The following KIF16B variants were observed in gnomAD, a reference collection of about 807,000 sequenced individuals.
KIF16B encodes the protein kinesin family member 16B, also known as kinesin-like protein KIF16B.
In KIF16B, 98 loss-of-function variants were observed where a neutral mutation model predicts 156.3. The observed-to-expected ratio is 0.63, with a 90% CI of 0.53 to 0.74. The LOEUF (loss-of-function observed/expected upper bound fraction) is 0.74. Among genes scored for constraint, KIF16B ranks in the 30% least tolerant of loss-of-function variants. KIF16B has a pLI of 0.00. For synonymous variants in KIF16B, 564 were observed against 583.7 expected (o/e 0.97, Z 0.49); for missense variants, 1,421 against 1,606.5 (o/e 0.88, Z 1.97).
chr20:16,397,883 C>T (rs1393884708), intron 17 of KIF16B, among the ~76,000 whole-genome samples: 1 of 152,208 alleles, frequency 6.6e-6, no homozygotes, highest in Non-Finnish European at 1.5e-5. Context: ...CAGACGCATC[C>T]TTTGTGCTGA....
At chr20:16,390,494 C>T (rs533350297) in intron 17 of KIF16B, among the ~76,000 whole-genome samples, 11 of 152,172 alleles carry the variant, frequency 7.2e-5, no homozygotes, top group African/African-American at 2.2e-4. Flanking sequence ...ACCCCACCTC[C>T]CCTGCCCCTC....
rs112971231 is a variant in KIF16B, at chr20:16,452,619, AG to A, written c.1303-22638del. ...AGGACGCAGAGGTGGGTGGATCACG[AG>A]GTCAGGAGATCGAGACCATCCTGGC... On this transcript the variant is annotated intron_variant, in intron 12 of 25. Transcript: ENST00000354981. Among the ~76,000 whole-genome samples, 185 of 152,220 alleles carry A rather than the reference AG, an allele frequency of 1.2e-3. 2 individuals carry two copies. The highest frequency in any genetic ancestry group is 4.1e-3 in the African/African-American group (172 of 41,536).
rs1452797722 is a variant in KIF16B, at chr20:16,503,628, C to T, written c.1176+744G>A. Among the ~76,000 whole-genome samples the T allele has an allele frequency of 2.6e-5, 4 of 152,202 alleles. No individual in the cohort carries two copies. In the East Asian group the frequency reaches 7.7e-4, roughly 29 times the overall value. ...TTCATGAGTTAAGAAAGGAGGGTAA[C>T]TCCAGTCTAACTTCAACATTTAAAA... On this transcript the variant is annotated intron_variant, in intron 10 of 25. Transcript: ENST00000354981.
At chr20:16,393,606 A>T (rs1238907413) in intron 17 of KIF16B, among the ~76,000 whole-genome samples, 9 of 152,166 alleles carry the variant, frequency 5.9e-5, no homozygotes, top group Non-Finnish European at 1.0e-4. Flanking sequence ...TCCCTTAAAC[A>T]CCTACTTAGA....
At chr20:16,389,468 C>T (rs113162968) in intron 17 of KIF16B, among the ~76,000 whole-genome samples, 8,398 of 152,190 alleles carry the variant, frequency 0.055, 777 homozygotes, top group African/African-American at 0.19. Context: ...ACTCAATGGA[C>T]GGTGTTTCAC....
chr20:16,486,259 C>G lies in KIF16B; in HGVS notation c.1302+8032G>C, dbSNP rs80193829. 1.6e-4 allele frequency among the ~76,000 whole-genome samples: 25 copies of G among 151,826 alleles called. No homozygotes were observed. The East Asian group carries it at 4.9e-3, about 29-fold the overall frequency. On this transcript the variant is annotated intron_variant, in intron 12 of 25. Coordinates refer to ENST00000354981, the MANE Select transcript of KIF16B (RefSeq NM_024704.5). ...CTAGGTCTACCACATAAGATGCTCT[C>G]AATAAACATGTGCTTAATGAAGGAG...
At chr20:16,325,448 G>T (rs1277557261) in intron 24 of KIF16B, among the ~76,000 whole-genome samples, 2 of 151,908 alleles carry the variant, frequency 1.3e-5, no homozygotes, top group East Asian at 3.9e-4. Context: ...AATGAATTCA[G>T]TAAAGTTTCA....
At chr20:16,484,970 A>G (rs1169306424) in intron 12 of KIF16B, among the ~76,000 whole-genome samples, 9 of 152,172 alleles carry the variant, frequency 5.9e-5, no homozygotes, top group African/African-American at 1.7e-4. Flanking sequence ...ATCTGCCTGT[A>G]CTCATTCCTT....
chr20:16,487,944 TA>T (rs1269680303), intron 12 of KIF16B, among the ~76,000 whole-genome samples: 1 of 152,158 alleles, frequency 6.6e-6, no homozygotes, highest in African/African-American at 2.4e-5. Context: ...TCCACATAAT[TA>T]AAGTCTAAAT....
At chr20:16,513,129 G>T (rs1259969209) in intron 4 of KIF16B, among the ~76,000 whole-genome samples, 2 of 152,142 alleles carry the variant, frequency 1.3e-5, no homozygotes, top group African/African-American at 4.8e-5. Context: ...TACAGGCTGG[G>T]ACTCTGATAA....
chr20:16,322,066 CAAAT>C (rs1371037033), intron 24 of KIF16B, among the ~76,000 whole-genome samples: 1 of 151,870 alleles, frequency 6.6e-6, no homozygotes, highest in African/African-American at 2.4e-5. Flanking sequence ...AGGAAACAAA[CAAAT>C]GAGGATTACA....
At chr20:16,336,945 C>A (rs2064049247) in intron 23 of KIF16B, among the ~76,000 whole-genome samples, 1 of 152,218 alleles carries the variant, frequency 6.6e-6, no homozygotes, top group African/African-American at 2.4e-5. Context: ...CAACTGTCCA[C>A]CCCACATCTG....
chr20:16,359,050 T>C (rs2123176838), intron 22 of KIF16B, among the ~76,000 whole-genome samples: 1 of 152,364 alleles, frequency 6.6e-6, no homozygotes, highest in South Asian at 2.1e-4. Context: ...CTACTCTAGA[T>C]GGATTATATT....
rs551148926 is a variant in KIF16B, at chr20:16,404,818, G to A, written c.1779C>T (p.Asn593=). Residue 593 remains asparagine, a synonymous_variant, in exon 17 of 26, where the codon AAC becomes AAT. Coordinates refer to ENST00000354981, the MANE Select transcript of KIF16B (RefSeq NM_024704.5). ...RENLSAVMLY[N]PGLEFERQQR... ...AGATGCTGCTGTTCACTCACCCGGG[G>A]TTATACAACATGACTGCAGACAGGT... 2.4e-5 allele frequency: 39 copies of A among 1,610,930 alleles called. No individual in the cohort carries two copies. The highest frequency in any genetic ancestry group is 3.1e-5 in the Non-Finnish European group (37 of 1,177,346).
In KIF16B at chr20:16,440,533, GCACACACACACACACACACA is replaced by G. The variant is rs71192333; in HGVS notation, c.1303-10571_1303-10552del. 7.0e-4 allele frequency among the ~76,000 whole-genome samples: 97 copies of G among 138,350 alleles called. 3 individuals carry two copies. The highest frequency in any genetic ancestry group is 2.1e-3 in the African/African-American group (77 of 37,456). 90.8% of individuals were successfully genotyped at this position (138,350 alleles called of 152,430 possible). On this transcript the variant is annotated intron_variant, in intron 12 of 25. Transcript: ENST00000354981. ...CTATGGTTAAAACACACAAGCGCGC[GCACACACACACACACACACA>G]CACACACACACACACACACACACAC...
intron 25 of KIF16B, among the ~76,000 whole-genome samples, chr20:16,282,303 G>T (rs142678698): frequency 0.011 from 1,724 of 151,658 alleles, 17 homozygotes; most frequent in Middle Eastern, 0.048. Context: ...AAAGTGCTGG[G>T]ATTACAGGCA....
chr20:16,336,608 C>T (rs1025810949), intron 23 of KIF16B, among the ~76,000 whole-genome samples: 1 of 152,114 alleles, frequency 6.6e-6, no homozygotes, highest in Non-Finnish European at 1.5e-5. Context: ...CCCACATACC[C>T]AACTTGGCAC....
chr20:16,392,395 G>A (rs1353700495), intron 17 of KIF16B, among the ~76,000 whole-genome samples: 1 of 152,206 alleles, frequency 6.6e-6, no homozygotes, highest in Non-Finnish European at 1.5e-5. Context: ...TCTATAGTGG[G>A]TGGCCCAAGA....
At chr20:16,518,814 C>T (rs895418665) in intron 3 of KIF16B, among the ~76,000 whole-genome samples, 2 of 151,972 alleles carry the variant, frequency 1.3e-5, no homozygotes, top group Admixed American at 6.6e-5. Context: ...TCTCAATATG[C>T]CTTTACATTC....
Sources: allele counts gnomAD v4.1 joint callset (sites outside exome capture counted in the v4.1 genomes callset), GRCh38; gene constraint gnomAD v4.1.1; transcripts MANE v1.5; gene names NCBI Gene and HGNC (gene_info 2026-07-23, HGNC 2026-07-21).